The following ANK2 variants were observed in gnomAD, a reference collection of about 807,000 sequenced individuals.
ANK2 encodes ankyrin 2.
ANK2 carries 83 observed loss-of-function variants against 360.5 expected under a neutral mutation model. The ratio of observed to expected loss-of-function variants is 0.23; its 90% CI spans 0.19 to 0.28. The LOEUF (loss-of-function observed/expected upper bound fraction) is 0.28, where lower values mean the gene tolerates loss of function less well. Among genes scored for constraint, ANK2 ranks in the 10% least tolerant of loss-of-function variants. The pLI, the probability that ANK2 is intolerant of heterozygous loss-of-function variation, is 1.00. For missense variants in ANK2, 4,201 were observed against 4,795.7 expected (o/e 0.88, Z 3.66); for synonymous variants, 1,740 against 1,759.5 (o/e 0.99, Z 0.28).
At chr4:113,307,474 G>C (rs2077778027) in intron 23 of ANK2, among the ~76,000 whole-genome samples, 1 of 144,578 alleles carries the variant, frequency 6.9e-6, no homozygotes, top group South Asian at 2.2e-4. Context: ...GGAGTGCAGT[G>C]GTGTGATCTT....
the ANK2 span, among the ~76,000 whole-genome samples, chr4:112,775,506 T>A: frequency 1.4e-4 from 2 of 14,574 alleles, no homozygotes; most frequent in Admixed American, 6.1e-4. Flanking sequence ...GTGACAGAGC[T>A]AAGCTCCATC....
the ANK2 span, among the ~76,000 whole-genome samples, chr4:112,806,973 GAACACA>G: frequency 7.9e-5 from 12 of 152,168 alleles, no homozygotes; most frequent in Admixed American, 6.5e-4. Context: ...AGTGTGCTGG[GAACACA>G]AAATGAGTCT....
chr4:113,293,557 C>T lies in ANK2; in HGVS notation c.2475+19C>T. ...CACCACAGTGAGTATGAGTGACTGA[C>T]TAGCTTCAGCCCTGTTATTCTTCGT... is the stretch of plus-strand genomic sequence containing the variant. On this transcript the variant is annotated intron_variant, in intron 22 of 45. Transcript: ENST00000357077. 6.3e-7 allele frequency: 1 copy of T among 1,591,386 alleles called. No individual in the cohort carries two copies. The highest frequency in any genetic ancestry group is 8.6e-7 in the Non-Finnish European group (1 of 1,161,362).
chr4:112,826,726 C>A, intron 1 of ANK2: 1 of 835,268 alleles, frequency 1.2e-6, no homozygotes, highest in South Asian at 1.6e-5. Flanking sequence ...ACCATAATAC[C>A]TACCAGTCAG....
intron 4 of ANK2, among the ~76,000 whole-genome samples, chr4:113,202,213 CCT>C (rs1212326741): frequency 6.6e-6 from 1 of 152,014 alleles, no homozygotes; most frequent in East Asian, 1.9e-4. Flanking sequence ...TATTTTACCC[CCT>C]GTGTGTGAGC....
chr4:113,354,160 T>A lies in ANK2; in HGVS notation c.5542T>A (p.Ser1848Thr). ...TGAAAGGCACCCTCCAGTATCACCA[T>A]CAAGTAAAACTGAGAAACACTCACC... ...KTERHPPVSP[S>T]SKTEKHSPVS... Residue 1848 changes from serine (S) to threonine (T), a missense_variant, in exon 38 of 46, where the codon TCA becomes ACA. By Grantham distance (58) the Ser-to-Thr change is moderately conservative. Coordinates refer to ENST00000357077, the MANE Select transcript of ANK2 (RefSeq NM_001148.6). The A allele has an allele frequency of 1.2e-6, 2 of 1,614,050 alleles. No homozygotes were observed. Among genetic ancestry groups the A allele is most frequent in the Non-Finnish European group, 1.7e-6 (2 of 1,179,982 alleles).
the ANK2 span, among the ~76,000 whole-genome samples, chr4:112,766,416 A>G: frequency 6.6e-6 from 1 of 152,226 alleles, no homozygotes; most frequent in Admixed American, 6.5e-5. Context: ...CACAAAAGTT[A>G]ACTATTTTGT....
chr4:112,946,071 A>C (rs2094523856), intron 2 of ANK2, among the ~76,000 whole-genome samples: 2 of 152,146 alleles, frequency 1.3e-5, no homozygotes, highest in Non-Finnish European at 2.9e-5. Context: ...TAGAACAAAG[A>C]AGTTGTTTTT....
At chr4:112,760,288 G>A in the ANK2 span, among the ~76,000 whole-genome samples, 3 of 150,382 alleles carry the variant, frequency 2.0e-5, no homozygotes, top group Non-Finnish European at 4.4e-5. Context: ...TCGGGTTCCC[G>A]CCATTTTCCT....
chr4:112,713,556 T>A, the ANK2 span, among the ~76,000 whole-genome samples: 75 of 150,620 alleles, frequency 5.0e-4, no homozygotes, highest in Non-Finnish European at 8.9e-4. Flanking sequence ...GCAATAAGAG[T>A]GAAACACCGT....
intron 2 of ANK2, among the ~76,000 whole-genome samples, chr4:113,010,327 T>A (rs1465823376): frequency 6.6e-6 from 1 of 151,932 alleles, no homozygotes; most frequent in African/African-American, 2.4e-5. Flanking sequence ...TAAGCCCAAA[T>A]GAAAAAAGAG....
chr4:113,010,991 A>G (rs2054535156), intron 2 of ANK2, among the ~76,000 whole-genome samples: 1 of 152,148 alleles, frequency 6.6e-6, no homozygotes, highest in African/African-American at 2.4e-5. Flanking sequence ...GTGTGAGAAA[A>G]TGACTATGAC....
rs569805097 is a variant in ANK2 at position 113,224,325 on chromosome 4, C to T, written c.385-7836C>T. 4.1e-4 allele frequency among the ~76,000 whole-genome samples: 62 copies of T among 152,346 alleles called. 1 individual carries two copies. Among genetic ancestry groups the T allele is most frequent in the African/African-American group, 1.4e-3 (59 of 41,586 alleles). ...GTAACAAATATTTACTGAACACCTA[C>T]TAAGTGCTAAGCATTTTTATGGGCA... On this transcript the variant is annotated intron_variant, in intron 4 of 45. Transcript: ENST00000357077.
At chr4:112,805,727 G>A in the ANK2 span, among the ~76,000 whole-genome samples, 7 of 151,962 alleles carry the variant, frequency 4.6e-5, no homozygotes, top group East Asian at 7.7e-4. Context: ...GATTACAGGC[G>A]CATGCCACCA....
intron 1 of ANK2, among the ~76,000 whole-genome samples, chr4:113,090,856 C>T (rs2087616216): frequency 6.6e-6 from 1 of 152,170 alleles, no homozygotes; most frequent in Admixed American, 6.5e-5. Context: ...ATTATTTTCA[C>T]TTTCCATACT....
Position 113,355,423 on chromosome 4 carries a change from A to G in ANK2, c.6805A>G (p.Thr2269Ala), listed in dbSNP as rs1204382947. The G allele has an allele frequency of 6.2e-7, 1 of 1,613,960 alleles. No homozygotes were observed. Among genetic ancestry groups the G allele is most frequent in the Admixed American group, 1.7e-5 (1 of 60,008 alleles). Residue 2269 changes from threonine (T) to alanine (A), a missense_variant, in exon 38 of 46, where the codon ACC (threonine) becomes GCC (alanine). Thr to Ala is a moderately conservative substitution (Grantham distance 58). Around this residue, in one of 4 missense-constraint regions of ANK2, gnomAD observed 2,642 missense variants for 2,714.5 expected, o/e 0.97. Coordinates refer to ENST00000357077, the MANE Select transcript of ANK2 (RefSeq NM_001148.6). The part of the protein sequence containing the change: ...GETKESTKTE[T>A]TTEIRSEKEH... ...AACAAAGGAAAGCACCAAGACAGAA[A>G]CCACCACAGAAATTCGTTCAGAAAA...
chr4:113,028,299 T>A (rs966077646), intron 2 of ANK2, among the ~76,000 whole-genome samples: 1 of 152,042 alleles, frequency 6.6e-6, no homozygotes, highest in Non-Finnish European at 1.5e-5. Context: ...GCCAAACAAA[T>A]GTGGTTCTGA....
chr4:112,848,042 G>A (rs753702987), intron 1 of ANK2, among the ~76,000 whole-genome samples: 3 of 152,294 alleles, frequency 2.0e-5, no homozygotes, highest in African/African-American at 4.8e-5. Context: ...AAGAGCATGC[G>A]ATTTGGAGCG....
At chr4:112,764,969 G>T in the ANK2 span, among the ~76,000 whole-genome samples, 6 of 152,204 alleles carry the variant, frequency 3.9e-5, no homozygotes, top group African/African-American at 9.6e-5. Context: ...GCCTCCCAAA[G>T]TGCTGGGATT....
Sources: allele counts gnomAD v4.1 joint callset (sites outside exome capture counted in the v4.1 genomes callset), GRCh38; gene constraint gnomAD v4.1.1; regional missense constraint gnomAD v4.1.1; transcripts MANE v1.5; gene names NCBI Gene and HGNC (gene_info 2026-07-23, HGNC 2026-07-21).